BBS4: variants seen among roughly 807,000 people sequenced by gnomAD.
BBS4 encodes Bardet-Biedl syndrome 4.
A neutral mutation model predicts 71.4 loss-of-function variants in BBS4; 58 were observed. That is an observed-to-expected ratio of 0.81 (90% CI 0.66 to 1.01). The LOEUF (loss-of-function observed/expected upper bound fraction) is 1.01. BBS4 is among the 50% of genes least tolerant of loss of function. BBS4 has a pLI of 0.00. For missense variants in BBS4, 660 were observed against 607.9 expected (o/e 1.09, Z -0.90); for synonymous variants, 228 against 216.8 (o/e 1.05, Z -0.46).
rs567412024 is a variant in BBS4 at position 72,693,181 on chromosome 15, A to G, written c.25-1996A>G. Among the ~76,000 whole-genome samples the G allele has an allele frequency of 1.7e-3, 264 of 152,282 alleles. 1 individual carries two copies. The Middle Eastern group carries it at 0.031, about 18-fold the overall frequency. Reference sequence around the variant, plus strand: ...ATTGTTGTTTAGTTTTGTAGTTCTTAATGTATTTTAATTAAACACCACAAA... The same window carrying G: ...ATTGTTGTTTAGTTTTGTAGTTCTTGATGTATTTTAATTAAACACCACAAA... On this transcript the variant is annotated intron_variant, in intron 1 of 15. Coordinates refer to ENST00000268057, the MANE Select transcript of BBS4 (RefSeq NM_033028.5).
At chr15:72,701,287 C>T (rs2065164321) in intron 2 of BBS4, among the ~76,000 whole-genome samples, 1 of 152,104 alleles carries the variant, frequency 6.6e-6, no homozygotes, top group African/African-American at 2.4e-5. Flanking sequence ...TATGTTGTTG[C>T]ATGTAGTAGT....
Position 72,727,924 on chromosome 15 carries a change from C to T in BBS4, c.588-16C>T, listed in dbSNP as rs2065733530. ...CATCTACATCTTGTTTCCCTCTGAG[C>T]ATCTCTATGTTGCAGGTTCTCACCA... On this transcript the variant is annotated splice_polypyrimidine_tract_variant and intron_variant, in intron 8 of 15. Coordinates refer to ENST00000268057, the MANE Select transcript of BBS4 (RefSeq NM_033028.5). The T allele has an allele frequency of 1.9e-6, 3 of 1,599,282 alleles. No homozygotes were observed. The highest frequency in any genetic ancestry group is 1.7e-4 in the Middle Eastern group (1 of 6,048).
chr15:72,717,106 A>G (rs1877879226), intron 6 of BBS4: 1 of 480,984 alleles, frequency 2.1e-6, no homozygotes, highest in Non-Finnish European at 3.7e-6. Context: ...TGACCCCTAG[A>G]AGCTTTGGGT....
chr15:72,717,839 G>A (rs2065494111), intron 6 of BBS4, among the ~76,000 whole-genome samples: 1 of 107,074 alleles, frequency 9.3e-6, no homozygotes, highest in South Asian at 3.7e-4. Flanking sequence ...CTACCTCTGT[G>A]TCCTTTTCTT....
intron 12 of BBS4, among the ~76,000 whole-genome samples, chr15:72,732,435 A>AC (rs1178323185): frequency 6.6e-6 from 1 of 152,208 alleles, no homozygotes; most frequent in Non-Finnish European, 1.5e-5. Flanking sequence ...TAAAGTACTG[A>AC]CTAGTCTTTC....
chr15:72,696,722 T>A (rs113014074), intron 2 of BBS4, among the ~76,000 whole-genome samples: 107 of 151,516 alleles, frequency 7.1e-4, no homozygotes, highest in African/African-American at 2.4e-3. Flanking sequence ...AGTAGCTGGG[T>A]CTACAGGTGC....
At chr15:72,707,473 C>A (rs187186005) in intron 2 of BBS4, among the ~76,000 whole-genome samples, 10 of 152,284 alleles carry the variant, frequency 6.6e-5, no homozygotes, top group Non-Finnish European at 1.2e-4. Flanking sequence ...GCCACCACAT[C>A]TGGCCTCTTT....
intron 6 of BBS4, among the ~76,000 whole-genome samples, chr15:72,717,776 A>G (rs1386243007): frequency 1.3e-5 from 2 of 152,190 alleles, no homozygotes; most frequent in African/African-American, 2.4e-5. Flanking sequence ...TCCATTCTCT[A>G]TGAGAGATGT....
At chr15:72,701,409 A>G (rs747946050) in intron 2 of BBS4, among the ~76,000 whole-genome samples, 1 of 152,186 alleles carries the variant, frequency 6.6e-6, no homozygotes, top group African/African-American at 2.4e-5. Context: ...TGTATTATGA[A>G]TAATGCCACC....
intron 8 of BBS4, among the ~76,000 whole-genome samples, chr15:72,725,338 GA>G (rs2065652158): frequency 6.6e-6 from 1 of 152,162 alleles, no homozygotes; most frequent in African/African-American, 2.4e-5. Context: ...CAAAGTGCTG[GA>G]ATTACAGGTG....
intron 2 of BBS4, among the ~76,000 whole-genome samples, chr15:72,702,543 T>C (rs1307931571): frequency 6.8e-6 from 1 of 148,086 alleles, no homozygotes; most frequent in East Asian, 2.5e-4. Context: ...TAGCTAATCT[T>C]TTATATGACT....
At chr15:72,730,926 A>ACTT (rs1354732888) in intron 10 of BBS4, among the ~76,000 whole-genome samples, 1 of 152,162 alleles carries the variant, frequency 6.6e-6, no homozygotes, top group African/African-American at 2.4e-5. Context: ...GGTATCTAGA[A>ACTT]CACTTGGTAT....
chr15:72,711,092 C>T (rs2065362354), intron 3 of BBS4, among the ~76,000 whole-genome samples: 1 of 151,748 alleles, frequency 6.6e-6, no homozygotes, highest in Non-Finnish European at 1.5e-5. Flanking sequence ...TGAGCCACCG[C>T]ACCCGGCCCA....
chr15:72,695,291 A>AT (rs1454865666), intron 2 of BBS4, 63 bp downstream of exon 2: 24 of 1,232,444 alleles, frequency 1.9e-5, no homozygotes, highest in South Asian at 2.8e-5. Flanking sequence ...TTATTTATTT[A>AT]TTTATTTTTT....
intron 2 of BBS4, among the ~76,000 whole-genome samples, chr15:72,706,420 G>A (rs971486432): frequency 1.3e-5 from 2 of 152,136 alleles, no homozygotes; most frequent in African/African-American, 4.8e-5. Flanking sequence ...ACAGGCGTGA[G>A]TCACCACCCC....
At chr15:72,712,205 CTT>C in intron 3 of BBS4, 37 bp from the exon 4 acceptor site, 1 of 1,595,344 alleles carries the variant, frequency 6.3e-7, no homozygotes, top group Non-Finnish European at 8.6e-7. Context: ...CCTGAAGAAA[CTT>C]AACCACTGCT....
chr15:72,723,698 TAAC>T (rs1182589387), intron 7 of BBS4, among the ~76,000 whole-genome samples: 1 of 152,218 alleles, frequency 6.6e-6, no homozygotes, highest in African/African-American at 2.4e-5. Context: ...TCTCCTGAGA[TAAC>T]AATATATATA....
intron 6 of BBS4, chr15:72,717,152 A>G (rs1276811257): frequency 8.1e-6 from 3 of 369,640 alleles, no homozygotes; most frequent in East Asian, 6.0e-5. Flanking sequence ...AGTATCAGCA[A>G]TAGGCATCTA....
intron 4 of BBS4, among the ~76,000 whole-genome samples, chr15:72,713,231 A>G (rs916331499): frequency 2.6e-5 from 4 of 151,770 alleles, no homozygotes; most frequent in Non-Finnish European, 5.9e-5. Flanking sequence ...ACACACTACT[A>G]CAGTGGTGGT....
Sources: gnomAD v4.1 joint callset for allele counts (sites outside exome capture counted in the v4.1 genomes callset) on GRCh38, gnomAD v4.1.1 for gene constraint, MANE v1.5 for transcripts, NCBI Gene and HGNC (gene_info 2026-07-23, HGNC 2026-07-21) for gene names.